Variants in DNMT3B observed in about 807,000 individuals in gnomAD.
The protein encoded by DNMT3B is DNA (cytosine-5)-methyltransferase 3B.
A neutral mutation model predicts 120.2 loss-of-function variants in DNMT3B; 37 were observed. That is an observed-to-expected ratio of 0.31 (90% CI 0.24 to 0.40). The LOEUF is 0.40. Ranked by LOEUF, DNMT3B falls within the 10% of genes least tolerant of loss-of-function variation. The pLI, the probability that DNMT3B is intolerant of heterozygous loss-of-function variation, is 1.00. For synonymous variants in DNMT3B, 412 were observed against 442.8 expected (o/e 0.93, Z 0.87); for missense variants, 878 against 1,137.3 (o/e 0.77, Z 3.28).
chr20:32,780,059 G>A, intron 1 of DNMT3B: 4 of 1,601,650 alleles, frequency 2.5e-6, no homozygotes, highest in Non-Finnish European at 3.4e-6. Flanking sequence ...CCCCAGCCCT[G>A]GCCTCCCCAC....
chr20:32,803,778 C>A (rs998728088), intron 20 of DNMT3B, among the ~76,000 whole-genome samples: 11 of 152,264 alleles, frequency 7.2e-5, no homozygotes, highest in African/African-American at 2.4e-4. Context: ...CAGCTCAGAG[C>A]ACCCTAGGTG....
intron 20 of DNMT3B, among the ~76,000 whole-genome samples, chr20:32,804,288 A>G (rs1317283352): frequency 6.6e-6 from 1 of 152,154 alleles, no homozygotes; most frequent in Non-Finnish European, 1.5e-5. Flanking sequence ...GCTTAATCTT[A>G]TAGTCAGCAC....
Position 32,795,391 on chromosome 20 carries a change from T to C in DNMT3B, c.1127-18T>C. 6.2e-7 allele frequency: 1 copy of C among 1,613,708 alleles called. No individual in the cohort carries two copies. The highest frequency in any genetic ancestry group is 1.1e-5 in the South Asian group (1 of 91,026). On this transcript the variant is annotated intron_variant, in intron 10 of 22. Coordinates refer to ENST00000328111, the MANE Select transcript of DNMT3B (RefSeq NM_006892.4). ...CCCTCCTACCAAGCCACGGCTGCAG[T>C]CTAATTACCTTTCACAGAGAACAAG...
chr20:32,779,767 C>T lies in DNMT3B; in HGVS notation c.-6-551C>T, dbSNP rs907263610. On this transcript the variant is annotated intron_variant, in intron 1 of 22. Coordinates refer to ENST00000328111, the MANE Select transcript of DNMT3B (RefSeq NM_006892.4). ...ATGGGCCCTGGAGGATGGGGTGAGG[C>T]GGGGCTTGTGCTGCCATGGAGAGGA... is the stretch of plus-strand genomic sequence containing the variant. The T allele has an allele frequency of 3.3e-5, 10 of 306,286 alleles. No individual in the cohort carries two copies. The Admixed American group carries it at 4.0e-4, about 12-fold the overall frequency. 19.0% of individuals were successfully genotyped at this position (306,286 alleles called of 1,614,324 possible). A position where few individuals can be genotyped will look rare whatever the true frequency, so the allele number is the denominator to read the frequency against.
chr20:32,768,457 G>A (rs569079441), intron 1 of DNMT3B, among the ~76,000 whole-genome samples: 53 of 152,206 alleles, frequency 3.5e-4, no homozygotes, highest in Non-Finnish European at 6.2e-4. Context: ...CTACCAAAGT[G>A]CTAGGATTAC....
intron 3 of DNMT3B, 112 bp from the exon 4 acceptor site, chr20:32,784,646 C>A: frequency 8.6e-7 from 1 of 1,158,286 alleles, no homozygotes; most frequent in Non-Finnish European, 1.3e-6. Context: ...ATGAGTGACC[C>A]GGTCTCCCTG....
At chr20:32,796,323 C>T (rs956092508) in intron 12 of DNMT3B, among the ~76,000 whole-genome samples, 1 of 152,178 alleles carries the variant, frequency 6.6e-6, no homozygotes, top group African/African-American at 2.4e-5. Flanking sequence ...GCCAGGGATG[C>T]AACTCCATGC....
rs745506485 is a variant in DNMT3B at position 32,787,239 on chromosome 20, C to T, written c.442C>T (p.Arg148Trp). The T allele has an allele frequency of 2.2e-5, 35 of 1,614,142 alleles. No individual in the cohort carries two copies. The highest frequency in any genetic ancestry group is 3.3e-5 in the Admixed American group (2 of 60,006). ...VEFPATRSLR[R>W]RATASAGTPW... ...GTCCTTCTGTCCACAGTCCCTGAGA[C>T]GGCGGGCAACAGCATCGGCAGGAAC... Residue 148 changes from arginine (R) to tryptophan (W), a missense_variant, in exon 6 of 23, where the codon CGG becomes TGG. Around this residue, in one of 4 missense-constraint regions of DNMT3B, gnomAD observed 287 missense variants for 306.2 expected, o/e 0.94. Transcript: ENST00000328111.
In DNMT3B at chr20:32,781,270, G is replaced by A. The variant is rs1164316955; in HGVS notation, c.143-83G>A. ...TAGGGGAGATCCCAGGCCACGCCAC[G>A]GAGAAAAGCCCCTATTAGCAAGGCC... is the stretch of plus-strand genomic sequence containing the variant. On this transcript the variant is annotated intron_variant, in intron 2 of 22. Coordinates refer to ENST00000328111, the MANE Select transcript of DNMT3B (RefSeq NM_006892.4). The A allele has an allele frequency of 2.8e-5, 41 of 1,470,490 alleles. 1 individual carries two copies. The South Asian group carries it at 4.1e-4, about 15-fold the overall frequency. 91.1% of individuals were successfully genotyped at this position (1,470,490 alleles called of 1,614,324 possible). A position where few individuals can be genotyped will look rare whatever the true frequency, so the allele number is the denominator to read the frequency against.
chr20:32,799,841 A>G (rs776259192), intron 16 of DNMT3B, among the ~76,000 whole-genome samples: 2 of 152,262 alleles, frequency 1.3e-5, no homozygotes, highest in Non-Finnish European at 2.9e-5. Flanking sequence ...TTAAAAGGAC[A>G]TACATCTTAG....
At chr20:32,788,050 A>G (rs1004062833) in intron 6 of DNMT3B, among the ~76,000 whole-genome samples, 6 of 152,118 alleles carry the variant, frequency 3.9e-5, no homozygotes, top group Non-Finnish European at 8.8e-5. Flanking sequence ...TACTTCTTTT[A>G]TGGTGGAATG....
At chr20:32,796,700 G>T in intron 12 of DNMT3B, 90 bp from the exon 13 acceptor site, 1 of 1,432,606 alleles carries the variant, frequency 7.0e-7, no homozygotes, top group Non-Finnish European at 9.8e-7. Context: ...CTGGCCTGGA[G>T]GGAAATCTTA....
At chr20:32,790,841 T>C (rs970446810) in intron 7 of DNMT3B, among the ~76,000 whole-genome samples, 2 of 152,068 alleles carry the variant, frequency 1.3e-5, no homozygotes, top group Non-Finnish European at 2.9e-5. Context: ...TCTTAAAAGT[T>C]TTTGTAGAGA....
intron 2 of DNMT3B, 149 bp downstream of exon 2, chr20:32,780,614 G>T: frequency 3.7e-6 from 5 of 1,335,422 alleles, no homozygotes; most frequent in Non-Finnish European, 5.1e-6. Flanking sequence ...GGGATGCAGG[G>T]TCGAGCCCTT....
At chr20:32,784,979 T>C (rs937746238) in intron 4 of DNMT3B, 120 bp downstream of exon 4, 17 of 997,146 alleles carry the variant, frequency 1.7e-5, no homozygotes, top group African/African-American at 1.5e-4. Context: ...GATGAAAAAA[T>C]GTTTTGAAAC....
chr20:32,786,666 C>CT (rs751525489), intron 5 of DNMT3B, 39 bp downstream of exon 5: 8 of 1,612,676 alleles, frequency 5.0e-6, no homozygotes, highest in East Asian at 2.2e-5. Flanking sequence ...CCCGCAGTCT[C>CT]TAACTGGGAG....
At position 32,780,385 on chromosome 20, in the gene DNMT3B, T is replaced by A; in HGVS notation, c.62T>A (p.Ile21Asn). The A allele has an allele frequency of 6.2e-7, 1 of 1,613,824 alleles. No homozygotes were observed. The highest frequency in any genetic ancestry group is 1.3e-5 in the African/African-American group (1 of 74,978). ...EEDAGGREDS[I>N]LVNGACSDQS... ...GACGCCGGCGGGAGGGAAGACTCGATCCTCGTCAACGGGGCCTGCAGCGAC... is the reference window on the plus strand; with the variant it reads ...GACGCCGGCGGGAGGGAAGACTCGAACCTCGTCAACGGGGCCTGCAGCGAC... The change falls in exon 2 of 23, where the codon ATC becomes AAC. Residue 21 changes from isoleucine (I) to asparagine (N), a missense_variant. Transcript: ENST00000328111.
At chr20:32,779,064 G>T (rs1053475435) in intron 1 of DNMT3B, among the ~76,000 whole-genome samples, 2 of 152,188 alleles carry the variant, frequency 1.3e-5, no homozygotes, top group East Asian at 3.9e-4. Flanking sequence ...AGGCAGGGAG[G>T]CCCGGTGCAT....
Position 32,786,691 on chromosome 20 carries a change from C to T in DNMT3B, c.432+64C>T, listed in dbSNP as rs1979333610. Reference sequence around the variant, plus strand: ...CTAACTGGGAGATATGCCTCACTCACTGCACTACTGGTTGTGGCTGGTAGA... The same window carrying T: ...CTAACTGGGAGATATGCCTCACTCATTGCACTACTGGTTGTGGCTGGTAGA... On this transcript the variant is annotated intron_variant, in intron 5 of 22. Coordinates refer to ENST00000328111, the MANE Select transcript of DNMT3B (RefSeq NM_006892.4). 9 of 1,608,820 alleles carry T rather than the reference C, an allele frequency of 5.6e-6. 1 individual carries two copies. In the South Asian group the frequency reaches 8.8e-5, roughly 16 times the overall value.
Sources: gnomAD v4.1 joint callset for allele counts (sites outside exome capture counted in the v4.1 genomes callset) on GRCh38, gnomAD v4.1.1 for gene constraint, gnomAD v4.1.1 regional missense constraint, MANE v1.5 for transcripts, NCBI Gene and HGNC (gene_info 2026-07-23, HGNC 2026-07-21) for gene names.